The following OPCML variants were observed in gnomAD, a reference collection of about 807,000 sequenced individuals.
The protein encoded by OPCML is opioid-binding protein/cell adhesion molecule.
Under a neutral mutation model 37.8 loss-of-function variants are expected in OPCML, and 13 were observed. That is an observed-to-expected ratio of 0.34 (90% CI 0.22 to 0.55). The LOEUF is 0.55. Among genes scored for constraint, OPCML ranks in the 20% least tolerant of loss-of-function variants. The pLI, the probability that OPCML is intolerant of heterozygous loss-of-function variation, is 0.91. For synonymous variants in OPCML, 176 were observed against 168.8 expected (o/e 1.04, Z -0.33); for missense variants, 341 against 435.6 (o/e 0.78, Z 1.93).
At chr11:133,432,530 C>G (rs1349595038) in intron 1 of OPCML, among the ~76,000 whole-genome samples, 1 of 152,072 alleles carries the variant, frequency 6.6e-6, no homozygotes, top group Non-Finnish European at 1.5e-5. Context: ...CACGAGCCAC[C>G]ATGCCCAGTT....
intron 2 of OPCML, among the ~76,000 whole-genome samples, chr11:132,895,780 A>G (rs1183507808): frequency 6.6e-6 from 1 of 152,100 alleles, no homozygotes; most frequent in African/African-American, 2.4e-5. Flanking sequence ...CAAGCAAGAC[A>G]ATGCTGAGTC....
chr11:133,385,793 A>G (rs1021829012), intron 1 of OPCML, among the ~76,000 whole-genome samples: 4 of 152,198 alleles, frequency 2.6e-5, no homozygotes, highest in Non-Finnish European at 4.4e-5. Context: ...TTCTTGTAAC[A>G]TATTATAATC....
intron 1 of OPCML, among the ~76,000 whole-genome samples, chr11:133,373,160 C>A (rs776047769): frequency 2.6e-5 from 4 of 151,932 alleles, no homozygotes. Flanking sequence ...TTAGTTGAAC[C>A]CTCAATCCAA....
intron 2 of OPCML, among the ~76,000 whole-genome samples, chr11:132,792,550 T>A (rs994346805): frequency 1.3e-5 from 2 of 152,222 alleles, no homozygotes; most frequent in Admixed American, 1.3e-4. Flanking sequence ...TAAGTTTTTC[T>A]TTCCAGTCTC....
chr11:132,860,411 T>C (rs1942254592), intron 2 of OPCML: 1 of 152,238 alleles, frequency 6.6e-6, no homozygotes, highest in Admixed American at 6.5e-5. Flanking sequence ...ACGTTTGACA[T>C]GACTTTTTAA....
chr11:132,528,651 T>A (rs140279485), intron 4 of OPCML, among the ~76,000 whole-genome samples: 1 of 152,322 alleles, frequency 6.6e-6, no homozygotes, highest in East Asian at 1.9e-4. Context: ...CTAAAAGTGC[T>A]GAAGCAAGGA....
At chr11:132,568,635 G>A (rs187885719) in intron 3 of OPCML, among the ~76,000 whole-genome samples, 16 of 152,298 alleles carry the variant, frequency 1.1e-4, no homozygotes, top group Admixed American at 9.8e-4. Flanking sequence ...CGCAGAAACT[G>A]GGAAAGGGTG....
chr11:132,749,474 C>A (rs1945757455), intron 2 of OPCML, among the ~76,000 whole-genome samples: 1 of 151,946 alleles, frequency 6.6e-6, no homozygotes. Context: ...ATCTAGAGAC[C>A]CTGGAGGTTA....
intron 7 of OPCML, among the ~76,000 whole-genome samples, chr11:132,429,699 A>G (rs1325320460): frequency 6.6e-6 from 1 of 152,220 alleles, no homozygotes; most frequent in East Asian, 1.9e-4. Context: ...CAGTGTGCAT[A>G]GGATTCCCTG....
chr11:133,203,278 C>A (rs1008541798), intron 1 of OPCML, among the ~76,000 whole-genome samples: 1 of 152,228 alleles, frequency 6.6e-6, no homozygotes, highest in South Asian at 2.1e-4. Flanking sequence ...AGCTGCCTGG[C>A]AGCCCCTCAA....
At chr11:133,073,187 T>C (rs1948567568) in intron 1 of OPCML, among the ~76,000 whole-genome samples, 1 of 152,190 alleles carries the variant, frequency 6.6e-6, no homozygotes, top group Non-Finnish European at 1.5e-5. Flanking sequence ...CTTAACGATC[T>C]CAGACTCTGG....
chr11:133,166,537 C>A (rs1950211040), intron 1 of OPCML, among the ~76,000 whole-genome samples: 1 of 152,168 alleles, frequency 6.6e-6, no homozygotes, highest in African/African-American at 2.4e-5. Context: ...GTTATGGGAA[C>A]ACAGAGGAAG....
At chr11:132,631,972 T>C (rs1168579400) in intron 3 of OPCML, among the ~76,000 whole-genome samples, 3 of 152,060 alleles carry the variant, frequency 2.0e-5, no homozygotes, top group Non-Finnish European at 4.4e-5. Context: ...AGAAGGCCAC[T>C]GAATTATAAG....
At chr11:133,202,447 T>C (rs1241960610) in intron 1 of OPCML, among the ~76,000 whole-genome samples, 1 of 152,192 alleles carries the variant, frequency 6.6e-6, no homozygotes, top group Non-Finnish European at 1.5e-5. Context: ...GGTGTGCTGT[T>C]ACTGCTGTCA....
intron 2 of OPCML, among the ~76,000 whole-genome samples, chr11:132,679,494 A>G (rs974817535): frequency 6.6e-6 from 1 of 152,222 alleles, no homozygotes; most frequent in Admixed American, 6.5e-5. Flanking sequence ...ACAACAAAAG[A>G]TCTCCTATTG....
chr11:133,319,839 T>G (rs1028900752), intron 1 of OPCML, among the ~76,000 whole-genome samples: 1 of 152,178 alleles, frequency 6.6e-6, no homozygotes, highest in Non-Finnish European at 1.5e-5. Flanking sequence ...TGAAACAAAA[T>G]GACCCTGTGG....
intron 2 of OPCML, among the ~76,000 whole-genome samples, chr11:132,807,503 A>T (rs1037120673): frequency 3.9e-5 from 6 of 152,250 alleles, no homozygotes; most frequent in African/African-American, 1.4e-4. Context: ...AATAAAATTT[A>T]TAAATCCACG....
rs191707842 is a variant in OPCML, at chr11:133,051,253, A to G, written c.62-108243T>C. ...AAGCACTGTTTAAAATGCTTTAAAT[A>G]TATCAACGGGTGTCTAGCGTCTGTG... On this transcript the variant is annotated intron_variant, in intron 1 of 7. Coordinates refer to ENST00000524381, the MANE Select transcript of OPCML (RefSeq NM_001012393.5). 1.1e-4 allele frequency among the ~76,000 whole-genome samples: 17 copies of G among 152,326 alleles called. No individual in the cohort carries two copies. The East Asian group carries it at 3.1e-3, about 28-fold the overall frequency.
At chr11:133,334,273 A>T (rs2136655724) in intron 1 of OPCML, among the ~76,000 whole-genome samples, 1 of 152,380 alleles carries the variant, frequency 6.6e-6, no homozygotes, top group East Asian at 1.9e-4. Flanking sequence ...ACGGATAAAG[A>T]AAATGTGGTA....
Sources: allele counts gnomAD v4.1 joint callset (sites outside exome capture counted in the v4.1 genomes callset), GRCh38; gene constraint gnomAD v4.1.1; transcripts MANE v1.5; gene names NCBI Gene and HGNC (gene_info 2026-07-23, HGNC 2026-07-21).